Variants in CHODL observed in about 807,000 individuals in gnomAD.
The protein encoded by CHODL is transmembrane protein MT75.
In CHODL, 29 loss-of-function variants were observed where a neutral mutation model predicts 34.5. The observed-to-expected ratio is 0.84, with a 90% confidence interval of 0.63 to 1.15. CHODL has a LOEUF of 1.15. Ranked by LOEUF, CHODL falls within the 50% of genes most tolerant of loss-of-function variation. The pLI is 0.00. For synonymous variants in CHODL, 125 were observed against 116.1 expected (o/e 1.08, Z -0.49); for missense variants, 332 against 332.5 (o/e 1.00, Z 0.01).
intron 2 of CHODL, among the ~76,000 whole-genome samples, chr21:18,110,961 T>C (rs205678): frequency 0.8 from 122,199 of 152,152 alleles, 49,212 homozygotes; most frequent in East Asian, 0.9. Context: ...ATCTCTTGTC[T>C]TGCCCTATAT....
chr21:18,213,709 C>T (rs958524319), intron 2 of CHODL, among the ~76,000 whole-genome samples: 10 of 152,022 alleles, frequency 6.6e-5, no homozygotes, highest in African/African-American at 2.4e-4. Context: ...TGGGTATCTT[C>T]AAAGCCACCT....
At position 18,036,215 on chromosome 21, in the gene CHODL, T is replaced by C. The variant is rs73891126; in HGVS notation, c.-45+8244T>C. On this transcript the variant is annotated intron_variant, in intron 2 of 6. Coordinates refer to the CHODL transcript ENST00000400127. ...AGTACTCTACCTAATGACCTGTGAA[T>C]TCTGAGATTTTTTTCAGTCTAGCTA... 2.2e-3 allele frequency among the ~76,000 whole-genome samples: 331 copies of C among 152,122 alleles called. 2 individuals are homozygous for C. Among genetic ancestry groups the C allele is most frequent in the African/African-American group, 7.4e-3 (307 of 41,552 alleles).
chr21:17,951,684 A>G (rs542078846), intron 1 of CHODL, among the ~76,000 whole-genome samples: 1 of 152,342 alleles, frequency 6.6e-6, no homozygotes, highest in East Asian at 1.9e-4. Flanking sequence ...ACTGAAAAGT[A>G]AAATATACTT....
At chr21:18,248,811 T>C (rs1250962682) in intron 1 of CHODL, among the ~76,000 whole-genome samples, 1 of 119,720 alleles carries the variant, frequency 8.4e-6, no homozygotes, top group Non-Finnish European at 1.6e-5. Context: ...TATATATGTA[T>C]GTATATTATA....
intron 2 of CHODL, among the ~76,000 whole-genome samples, chr21:18,038,638 G>GT (rs1008197942): frequency 4.0e-5 from 6 of 151,676 alleles, no homozygotes; most frequent in African/African-American, 1.4e-4. Context: ...ACCACTTAAA[G>GT]TAAGTGGGAA....
intron 1 of CHODL, among the ~76,000 whole-genome samples, chr21:17,933,393 C>T (rs1238224968): frequency 2.0e-5 from 3 of 152,154 alleles, no homozygotes; most frequent in Non-Finnish European, 2.9e-5. Context: ...TGCGGCCTTC[C>T]GCAGTGTTTG....
At chr21:18,062,290 C>T (rs544298002) in intron 2 of CHODL, among the ~76,000 whole-genome samples, 4 of 152,106 alleles carry the variant, frequency 2.6e-5, no homozygotes, top group Non-Finnish European at 5.9e-5. Flanking sequence ...TCACTGCAAC[C>T]TCTGCTTCCT....
At position 18,245,288 on chromosome 21, in the gene CHODL, G is replaced by A; in HGVS notation, c.65G>A (p.Arg22His). 6.6e-7 allele frequency: 1 copy of A among 1,524,412 alleles called. No individual in the cohort carries two copies. Among genetic ancestry groups the A allele is most frequent in the Non-Finnish European group, 8.8e-7 (1 of 1,142,174 alleles). The allele number at this position is 1,524,412 out of a possible 1,614,324, so 94.4% of individuals were successfully genotyped here. A position where few individuals can be genotyped will look rare whatever the true frequency, so the allele number is the denominator to read the frequency against. ...ALLCGHGAFC[R>H]RVVSGQKVCF... ...CTCTGCGGCCACGGAGCCTTCTGCCGCCGCGTGGTCAGCGGTGAGTCAGGG... is the reference window on the plus strand; with the variant it reads ...CTCTGCGGCCACGGAGCCTTCTGCCACCGCGTGGTCAGCGGTGAGTCAGGG... Residue 22 changes from arginine to histidine, a missense_variant, in exon 1 of 6, where the codon CGC becomes CAC. Arg to His is a conservative substitution (Grantham distance 29). Transcript: ENST00000299295.
At chr21:17,956,377 T>C (rs1485511582) in intron 1 of CHODL, among the ~76,000 whole-genome samples, 1 of 136,586 alleles carries the variant, frequency 7.3e-6, no homozygotes, top group Non-Finnish European at 1.7e-5. Context: ...AAGCAGATGC[T>C]AGCACTATGC....
At position 18,245,287 on chromosome 21, in the gene CHODL, C is replaced by T. The variant is rs931824960; in HGVS notation, c.64C>T (p.Arg22Cys). ...GCTCTGCGGCCACGGAGCCTTCTGC[C>T]GCCGCGTGGTCAGCGGTGAGTCAGG... ...ALLCGHGAFC[R>C]RVVSGQKVCF... The change falls in exon 1 of 6, where the codon CGC (arginine) becomes TGC (cysteine). Residue 22 changes from arginine to cysteine, a missense_variant. Coordinates refer to ENST00000299295, the MANE Select transcript of CHODL (RefSeq NM_024944.3). 3.3e-6 allele frequency: 5 copies of T among 1,524,648 alleles called. No individual in the cohort carries two copies. The highest frequency in any genetic ancestry group is 2.0e-5 in the Admixed American group (1 of 50,374). 94.4% of individuals were successfully genotyped at this position (1,524,648 alleles called of 1,614,324 possible). A position where few individuals can be genotyped will look rare whatever the true frequency, so the allele number is the denominator to read the frequency against.
chr21:17,993,758 G>C (rs1358750746), intron 1 of CHODL, among the ~76,000 whole-genome samples: 1 of 152,182 alleles, frequency 6.6e-6, no homozygotes, highest in African/African-American at 2.4e-5. Context: ...AGGTAGAATA[G>C]TATTTCTGTT....
At chr21:18,098,093 C>G (rs957232976) in intron 2 of CHODL, among the ~76,000 whole-genome samples, 2 of 151,938 alleles carry the variant, frequency 1.3e-5, no homozygotes. Flanking sequence ...AAATCTAAGA[C>G]CTCAGACTAT....
In CHODL at chr21:18,193,716, T is replaced by A. The variant is rs2026859; in HGVS notation, c.-44-62793T>A. Among the ~76,000 whole-genome samples, 1,330 of 134,972 alleles carry A rather than the reference T, an allele frequency of 9.9e-3. 14 individuals are homozygous for A. Among genetic ancestry groups the A allele is most frequent in the Admixed American group, 0.012 (145 of 12,492 alleles). 88.5% of individuals were successfully genotyped at this position (134,972 alleles called of 152,430 possible). The stretch of plus-strand genomic sequence containing the variant: ...GTCTCAGAAAAAAAAAAAAATAAAA[T>A]AAATAAATAAATAAATAAATAAATA... On this transcript the variant is annotated intron_variant, in intron 2 of 6. Transcript: ENST00000400127.
chr21:18,084,872 G>C (rs558776654), intron 2 of CHODL, among the ~76,000 whole-genome samples: 4 of 151,476 alleles, frequency 2.6e-5, no homozygotes, highest in Admixed American at 1.3e-4. Context: ...AGGTGTTAAA[G>C]TCCCCCACTA....
At chr21:17,974,607 C>A (rs1600848294) in intron 1 of CHODL, among the ~76,000 whole-genome samples, 1 of 152,128 alleles carries the variant, frequency 6.6e-6, no homozygotes, top group South Asian at 2.1e-4. Context: ...TTCAAATAAC[C>A]AATGTCTTTT....
chr21:18,028,273 TTTCC>T (rs1453089484), intron 2 of CHODL, among the ~76,000 whole-genome samples: 3,577 of 67,308 alleles, frequency 0.053, 189 homozygotes, highest in South Asian at 0.1. Flanking sequence ...TCTTTTTCCT[TTTCC>T]CCTTCCTTCC....
intron 2 of CHODL, among the ~76,000 whole-genome samples, chr21:18,067,841 C>T (rs573426439): frequency 5.3e-5 from 8 of 152,258 alleles, no homozygotes; most frequent in Admixed American, 2.6e-4. Flanking sequence ...TATTATCACG[C>T]AACAGTCTAG....
intron 2 of CHODL, among the ~76,000 whole-genome samples, chr21:18,171,850 TG>T (rs2146660848): frequency 6.6e-6 from 1 of 152,210 alleles, no homozygotes; most frequent in Non-Finnish European, 1.5e-5. Flanking sequence ...GGCCAGCTAA[TG>T]ATTGAATTGG....
At chr21:18,004,524 A>G (rs2063941782) in intron 1 of CHODL, among the ~76,000 whole-genome samples, 1 of 152,264 alleles carries the variant, frequency 6.6e-6, no homozygotes, top group Non-Finnish European at 1.5e-5. Context: ...GAAATCGAGC[A>G]TACAATCATC....
Sources: gnomAD v4.1 joint callset for allele counts (sites outside exome capture counted in the v4.1 genomes callset) on GRCh38, gnomAD v4.1.1 for gene constraint, MANE v1.5 for transcripts, NCBI Gene and HGNC (gene_info 2026-07-23, HGNC 2026-07-21) for gene names.